CTNND2: variants seen among roughly 807,000 people sequenced by gnomAD.
The protein encoded by CTNND2 is catenin delta 2, also known as catenin delta-2.
In CTNND2, 22 loss-of-function variants were observed where a neutral mutation model predicts 144.4. That is an observed-to-expected ratio of 0.15 (90% CI 0.11 to 0.22). The LOEUF (loss-of-function observed/expected upper bound fraction) is 0.22. Among genes scored for constraint, CTNND2 ranks in the 10% least tolerant of loss-of-function variants. CTNND2 has a pLI of 1.00. For synonymous variants in CTNND2, 751 were observed against 695.6 expected (o/e 1.08, Z -1.25); for missense variants, 1,353 against 1,618.8 (o/e 0.84, Z 2.82).
At chr5:11,101,535 C>T (rs905137030) in intron 14 of CTNND2, among the ~76,000 whole-genome samples, 3 of 152,138 alleles carry the variant, frequency 2.0e-5, no homozygotes, top group African/African-American at 7.2e-5. Context: ...TGCTTCTATC[C>T]TAAAATATCT....
intron 3 of CTNND2, among the ~76,000 whole-genome samples, chr5:11,532,417 T>C (rs1300026953): frequency 1.3e-5 from 2 of 152,078 alleles, no homozygotes; most frequent in South Asian, 2.1e-4. Flanking sequence ...ATAAGATATT[T>C]AATTTCCAAC....
intron 10 of CTNND2, among the ~76,000 whole-genome samples, chr5:11,201,909 C>T (rs1488475285): frequency 6.6e-6 from 1 of 152,208 alleles, no homozygotes; most frequent in African/African-American, 2.4e-5. Flanking sequence ...GTGTCTTGTT[C>T]ATGTACCCAG....
At chr5:11,170,599 C>T (rs1759806765) in intron 11 of CTNND2, among the ~76,000 whole-genome samples, 1 of 152,130 alleles carries the variant, frequency 6.6e-6, no homozygotes, top group Non-Finnish European at 1.5e-5. Context: ...CATACACACA[C>T]ACACAGCTAC....
chr5:11,320,817 C>T (rs928135730), intron 9 of CTNND2, among the ~76,000 whole-genome samples: 4 of 152,128 alleles, frequency 2.6e-5, no homozygotes, highest in Non-Finnish European at 4.4e-5. Flanking sequence ...TAGGTGGGGA[C>T]ACAAAGCCAA....
intron 8 of CTNND2, among the ~76,000 whole-genome samples, chr5:11,364,155 CT>C (rs1211799114): frequency 6.6e-6 from 1 of 152,310 alleles, no homozygotes; most frequent in East Asian, 1.9e-4. Context: ...AGCTATATAA[CT>C]GATTGAACCA....
At chr5:11,610,663 G>A (rs921703594) in intron 2 of CTNND2, among the ~76,000 whole-genome samples, 3 of 152,058 alleles carry the variant, frequency 2.0e-5, no homozygotes, top group South Asian at 2.1e-4. Flanking sequence ...TTGCCTGAAC[G>A]GATCATAGCA....
intron 18 of CTNND2, among the ~76,000 whole-genome samples, chr5:11,010,607 G>A (rs150297628): frequency 2.0e-4 from 30 of 152,350 alleles, no homozygotes; most frequent in African/African-American, 6.5e-4. Flanking sequence ...AGCAAGCTGC[G>A]AAAGATGACA....
intron 11 of CTNND2, among the ~76,000 whole-genome samples, chr5:11,162,083 G>A (rs61751857): frequency 2.5e-4 from 38 of 151,980 alleles, no homozygotes; most frequent in Admixed American, 2.5e-3. Context: ...CTGGGAGTGG[G>A]GGGGGGTTGC....
intron 3 of CTNND2, among the ~76,000 whole-genome samples, chr5:11,560,713 G>C (rs956537935): frequency 6.6e-6 from 1 of 152,166 alleles, no homozygotes; most frequent in African/African-American, 2.4e-5. Context: ...CATTCAGAAG[G>C]ATATGAGCCC....
intron 1 of CTNND2, among the ~76,000 whole-genome samples, chr5:11,887,793 C>T (rs1736665575): frequency 6.6e-6 from 1 of 152,152 alleles, no homozygotes; most frequent in African/African-American, 2.4e-5. Context: ...GTTTCTCAGA[C>T]TTTCCTTGTT....
At chr5:11,846,591 C>T (rs1235152364) in intron 1 of CTNND2, among the ~76,000 whole-genome samples, 1 of 152,010 alleles carries the variant, frequency 6.6e-6, no homozygotes, top group Non-Finnish European at 1.5e-5. Flanking sequence ...CAAAAATAGA[C>T]TAATGGGATT....
intron 2 of CTNND2, among the ~76,000 whole-genome samples, chr5:11,576,331 A>T (rs1777968403): frequency 6.6e-6 from 1 of 151,784 alleles, no homozygotes; most frequent in Non-Finnish European, 1.5e-5. Flanking sequence ...TAATTTCCAA[A>T]GGATAAAAAT....
intron 2 of CTNND2, among the ~76,000 whole-genome samples, chr5:11,584,954 A>G (rs1778727420): frequency 6.6e-6 from 1 of 152,198 alleles, no homozygotes; most frequent in Admixed American, 6.5e-5. Context: ...GAAATTATAT[A>G]TACTTCTTCA....
At chr5:11,475,092 G>A (rs1038272676) in intron 3 of CTNND2, among the ~76,000 whole-genome samples, 3 of 152,192 alleles carry the variant, frequency 2.0e-5, no homozygotes, top group African/African-American at 4.8e-5. Context: ...GTGTGTCTCA[G>A]GTATTACCGC....
chr5:11,802,167 G>A (rs1156556525), intron 1 of CTNND2, among the ~76,000 whole-genome samples: 3 of 152,084 alleles, frequency 2.0e-5, no homozygotes, highest in Non-Finnish European at 4.4e-5. Flanking sequence ...AGCTACTCAG[G>A]GGGCTGAGGC....
At chr5:11,149,522 G>A (rs1241631918) in intron 12 of CTNND2, among the ~76,000 whole-genome samples, 2 of 152,166 alleles carry the variant, frequency 1.3e-5, no homozygotes, top group African/African-American at 2.4e-5. Flanking sequence ...CATAAGAGAA[G>A]TGTAATTAGC....
intron 1 of CTNND2, among the ~76,000 whole-genome samples, chr5:11,763,573 C>G (rs1018668920): frequency 6.6e-6 from 1 of 152,174 alleles, no homozygotes; most frequent in Admixed American, 6.5e-5. Context: ...CAAATTTGAT[C>G]CAATGAGCAT....
At chr5:11,308,919 C>T (rs1750525861) in intron 9 of CTNND2, among the ~76,000 whole-genome samples, 2 of 152,146 alleles carry the variant, frequency 1.3e-5, no homozygotes, top group Admixed American at 6.6e-5. Context: ...GAAGCAGGCA[C>T]GTCTTACATG....
intron 10 of CTNND2, among the ~76,000 whole-genome samples, chr5:11,232,520 T>C (rs967606963): frequency 7.2e-5 from 11 of 152,228 alleles, no homozygotes; most frequent in Admixed American, 7.2e-4. Context: ...GATTTCGAGC[T>C]TGCATGGGGC....
Sources: gnomAD v4.1 joint callset for allele counts (sites outside exome capture counted in the v4.1 genomes callset) on GRCh38, gnomAD v4.1.1 for gene constraint, MANE v1.5 for transcripts, NCBI Gene and HGNC (gene_info 2026-07-23, HGNC 2026-07-21) for gene names.